Variants in CAMK1D observed in about 807,000 individuals in gnomAD.
CAMK1D encodes the protein calcium/calmodulin-dependent protein kinase type 1D.
In CAMK1D, 9 loss-of-function variants were observed where a neutral mutation model predicts 47.7. That is an observed-to-expected ratio of 0.19 (90% CI 0.11 to 0.33). The LOEUF (loss-of-function observed/expected upper bound fraction) is 0.33, where lower values mean the gene tolerates loss of function less well. CAMK1D is among the 10% of genes least tolerant of loss of function. The pLI is 1.00. For synonymous variants in CAMK1D, 184 were observed against 184.9 expected (o/e 0.99, Z 0.04); for missense variants, 291 against 488.7 (o/e 0.60, Z 3.81).
intron 1 of CAMK1D, among the ~76,000 whole-genome samples, chr10:12,474,556 A>G (rs1336089951): frequency 6.6e-6 from 1 of 151,896 alleles, no homozygotes; most frequent in South Asian, 2.1e-4. Context: ...AAACTTTACC[A>G]TTTTTAACCA....
chr10:12,395,328 T>C (rs1260310553), intron 1 of CAMK1D, among the ~76,000 whole-genome samples: 2 of 151,944 alleles, frequency 1.3e-5, no homozygotes, highest in African/African-American at 4.8e-5. Flanking sequence ...CCGCAGAGGT[T>C]TGGGAATGGG....
At chr10:12,771,986 A>T (rs951962606) in intron 5 of CAMK1D, among the ~76,000 whole-genome samples, 1 of 151,532 alleles carries the variant, frequency 6.6e-6, no homozygotes, top group Non-Finnish European at 1.5e-5. Context: ...GTGGGCTGAG[A>T]TTGCGCCACT....
intron 1 of CAMK1D, among the ~76,000 whole-genome samples, chr10:12,448,762 G>T (rs1832994469): frequency 6.6e-6 from 1 of 152,192 alleles, no homozygotes; most frequent in Non-Finnish European, 1.5e-5. Context: ...GGAATGAGAA[G>T]AAATTATCCC....
Position 12,662,601 on chromosome 10 carries a change from G to A in CAMK1D, c.225-4135G>A, listed in dbSNP as rs578118816. ...CGGGGGGCGGAGCTTGCAGTGAGCC[G>A]AGATTGCACCACTGCACTCCAGCCT... is the stretch of plus-strand genomic sequence containing the variant. On this transcript the variant is annotated intron_variant, in intron 2 of 10. Transcript: ENST00000619168. Among the ~76,000 whole-genome samples, 5 of 150,518 alleles carry A rather than the reference G, an allele frequency of 3.3e-5. No homozygotes were observed. In the South Asian group the frequency reaches 8.5e-4, roughly 26 times the overall value.
At chr10:12,350,213 ACG>A (rs956728127) in intron 1 of CAMK1D, among the ~76,000 whole-genome samples, 1 of 151,954 alleles carries the variant, frequency 6.6e-6, no homozygotes, top group African/African-American at 2.4e-5. Flanking sequence ...CCTTCTCCCC[ACG>A]CGTGACTGTG....
intron 1 of CAMK1D, among the ~76,000 whole-genome samples, chr10:12,423,745 T>C (rs1277262197): frequency 6.6e-6 from 1 of 152,230 alleles, no homozygotes; most frequent in Non-Finnish European, 1.5e-5. Context: ...CAAGAAGCGT[T>C]TCCCCTCAGG....
At chr10:12,492,010 CCT>C (rs1834398557) in intron 1 of CAMK1D, among the ~76,000 whole-genome samples, 1 of 152,140 alleles carries the variant, frequency 6.6e-6, no homozygotes, top group South Asian at 2.1e-4. Flanking sequence ...GTCTCGAACT[CCT>C]GACCTCAAGT....
In CAMK1D at chr10:12,828,874, C is replaced by T; in HGVS notation, c.1145C>T (p.Ser382Phe). Residue 382 changes from serine (S) to phenylalanine (F), a missense_variant, in exon 11 of 11, where the codon TCT (serine) becomes TTT (phenylalanine). By Grantham distance (155) the Ser-to-Phe change is radical. Transcript: ENST00000619168. The stretch of plus-strand genomic sequence containing the variant: ...CCCACCACTGTGACGGCAGTGCACT[C>T]TGGAAGCAAGTGACTGGCCCTGGAG... ...PRPTTVTAVH[S>F]GSK The T allele has an allele frequency of 1.2e-6, 2 of 1,611,830 alleles. No individual in the cohort carries two copies. Among genetic ancestry groups the T allele is most frequent in the Non-Finnish European group, 1.7e-6 (2 of 1,179,258 alleles).
At position 12,530,645 on chromosome 10, in the gene CAMK1D, C is replaced by T. The variant is rs189243911; in HGVS notation, c.93-22580C>T. ...TTCCAGGAAGGTCTTCCCGTGGCCT[C>T]GGGGTCTGGGGAGGCAGCGGTTCCC... On this transcript the variant is annotated intron_variant, in intron 1 of 10. Transcript: ENST00000619168. 3.5e-4 allele frequency among the ~76,000 whole-genome samples: 53 copies of T among 152,242 alleles called. 1 individual carries two copies. The East Asian group carries it at 9.6e-3, about 28-fold the overall frequency.
chr10:12,735,190 G>A lies in CAMK1D; in HGVS notation c.300-25758G>A, dbSNP rs143761881. Among the ~76,000 whole-genome samples, 883 of 152,332 alleles carry A rather than the reference G, an allele frequency of 5.8e-3. 10 individuals are homozygous for A. The highest frequency in any genetic ancestry group is 0.019 in the African/African-American group (800 of 41,592). ...ACAGATGTGAGTTTAAGAAACGAAA[G>A]TGTCGGCCGGGCGCGGTGGCTCACG... On this transcript the variant is annotated intron_variant, in intron 3 of 10. Transcript: ENST00000619168.
intron 3 of CAMK1D, among the ~76,000 whole-genome samples, chr10:12,728,152 A>T (rs1053834017): frequency 2.6e-5 from 4 of 152,206 alleles, no homozygotes; most frequent in African/African-American, 9.6e-5. Context: ...ACTGAGTTGC[A>T]ATTCCAGATT....
intron 2 of CAMK1D, among the ~76,000 whole-genome samples, chr10:12,595,832 G>A (rs1051544795): frequency 6.6e-6 from 1 of 152,178 alleles, no homozygotes; most frequent in African/African-American, 2.4e-5. Context: ...TGAACAAGGT[G>A]CCTGGCATTT....
At chr10:12,827,059 C>CTGT (rs1833236471) in intron 10 of CAMK1D, among the ~76,000 whole-genome samples, 2 of 152,216 alleles carry the variant, frequency 1.3e-5, no homozygotes, top group Admixed American at 1.3e-4. Context: ...CTCCACTAGG[C>CTGT]CAGGGACTGC....
intron 2 of CAMK1D, among the ~76,000 whole-genome samples, chr10:12,556,821 G>A (rs1338062162): frequency 6.6e-6 from 1 of 152,212 alleles, no homozygotes; most frequent in African/African-American, 2.4e-5. Context: ...TGAGAAGAAT[G>A]GACTGGGGGG....
At chr10:12,421,555 T>C (rs1840052963) in intron 1 of CAMK1D, among the ~76,000 whole-genome samples, 1 of 130,752 alleles carries the variant, frequency 7.6e-6, no homozygotes, top group African/African-American at 2.8e-5. Flanking sequence ...AGACAAGGTC[T>C]TGCTCTGTTG....
chr10:12,459,428 T>C (rs1480233084), intron 1 of CAMK1D, among the ~76,000 whole-genome samples: 2 of 152,172 alleles, frequency 1.3e-5, no homozygotes, highest in Non-Finnish European at 2.9e-5. Context: ...GACATTACTG[T>C]GACGAGTCTA....
intron 8 of CAMK1D, among the ~76,000 whole-genome samples, chr10:12,818,682 A>AAT (rs1554830329): frequency 1.5e-5 from 2 of 131,540 alleles, no homozygotes; most frequent in East Asian, 2.2e-4. Flanking sequence ...AAAAAAAAAA[A>AAT]AATAAGGTAA....
chr10:12,594,784 T>A (rs1339595458), intron 2 of CAMK1D, among the ~76,000 whole-genome samples: 2 of 152,210 alleles, frequency 1.3e-5, no homozygotes, highest in Non-Finnish European at 2.9e-5. Context: ...TCCAGGAGGT[T>A]GAACGTGTGG....
intron 3 of CAMK1D, among the ~76,000 whole-genome samples, chr10:12,733,002 G>A (rs189338847): frequency 1.5e-4 from 23 of 152,228 alleles, no homozygotes; most frequent in Middle Eastern, 3.4e-3. Context: ...ATAAGATAAT[G>A]TACAAAAAAA....
Sources: gnomAD v4.1 joint callset for allele counts (sites outside exome capture counted in the v4.1 genomes callset) on GRCh38, gnomAD v4.1.1 for gene constraint, MANE v1.5 for transcripts, NCBI Gene and HGNC (gene_info 2026-07-23, HGNC 2026-07-21) for gene names.